The following LRRK2 variants were observed in gnomAD, a reference collection of about 807,000 sequenced individuals.
LRRK2 encodes leucine-rich repeat serine/threonine-protein kinase 2.
A neutral mutation model predicts 302.6 loss-of-function variants in LRRK2; 203 were observed. That is an observed-to-expected ratio of 0.67 (90% CI 0.60 to 0.75). LRRK2 has a LOEUF of 0.75. Among genes scored for constraint, LRRK2 ranks in the 30% least tolerant of loss-of-function variants. LRRK2 has a pLI of 0.00. For synonymous variants in LRRK2, 1,066 were observed against 1,031.9 expected (o/e 1.03, Z -0.63); for missense variants, 2,830 against 2,951.0 (o/e 0.96, Z 0.95).
chr12:40,302,763 T>C (rs1181783341), intron 25 of LRRK2, 26 bp from the exon 26 acceptor site: 1 of 1,418,060 alleles, frequency 7.1e-7, no homozygotes. Context: ...ATGATTAAAA[T>C]GTTTATCTCA....
chr12:40,326,344 T>C (rs1480053406), intron 38 of LRRK2, among the ~76,000 whole-genome samples: 5 of 151,588 alleles, frequency 3.3e-5, no homozygotes, highest in Admixed American at 2.6e-4. Context: ...TGGGCGGCTG[T>C]AGTCCCAGCT....
intron 14 of LRRK2, among the ~76,000 whole-genome samples, chr12:40,265,510 A>T (rs1942970431): frequency 6.6e-6 from 1 of 152,312 alleles, no homozygotes; most frequent in East Asian, 1.9e-4. Context: ...CCTTTGTGGG[A>T]GTTGTACATG....
intron 13 of LRRK2, among the ~76,000 whole-genome samples, chr12:40,261,601 A>C (rs1942778521): frequency 6.6e-6 from 1 of 152,142 alleles, no homozygotes; most frequent in South Asian, 2.1e-4. Context: ...ACTGTACTGT[A>C]CCCAACGTAA....
intron 12 of LRRK2, among the ~76,000 whole-genome samples, chr12:40,258,929 A>G (rs1346186200): frequency 6.6e-6 from 1 of 152,214 alleles, no homozygotes; most frequent in African/African-American, 2.4e-5. Flanking sequence ...GTCAAGTGAC[A>G]TTTGCTCATA....
chr12:40,340,475 C>T (rs752930765), intron 41 of LRRK2, 21 bp downstream of exon 41: 2 of 1,613,130 alleles, frequency 1.2e-6, no homozygotes, highest in South Asian at 1.1e-5. Context: ...AGGTCTGTCT[C>T]ATAATTCTAT....
Position 40,305,899 on chromosome 12 carries a change from C to G in LRRK2, c.3892C>G (p.Pro1298Ala). 1 of 1,613,212 alleles carries G rather than the reference C, an allele frequency of 6.2e-7. No homozygotes were observed. Among genetic ancestry groups the G allele is most frequent in the Non-Finnish European group, 8.5e-7 (1 of 1,179,480 alleles). The change falls in exon 28 of 51, where the codon CCT (proline) becomes GCT (alanine). Residue 1298 changes from proline to alanine, a missense_variant. Pro to Ala is a conservative substitution (Grantham distance 27). Around this residue, in one of 3 missense-constraint regions of LRRK2, gnomAD observed 2,121 missense variants for 2,148.0 expected, o/e 0.99. Coordinates refer to ENST00000298910, the MANE Select transcript of LRRK2 (RefSeq NM_198578.4). ...MGKLSKIWDL[P>A]LDELHLNFDF... ...GAAATTAAGCAAAATATGGGATCTT[C>G]CTTTGGATGAACTGCATCTTAACTT...
At position 40,312,842 on chromosome 12, in the gene LRRK2, C is replaced by T. The variant is rs528622934; in HGVS notation, c.4537-1130C>T. 2.0e-5 allele frequency: 3 copies of T among 151,990 alleles called. No homozygotes were observed. The East Asian group carries it at 5.8e-4, about 29-fold the overall frequency. 9.4% of individuals were successfully genotyped at this position (151,990 alleles called of 1,614,324 possible). A position where few individuals can be genotyped will look rare whatever the true frequency, so the allele number is the denominator to read the frequency against. On this transcript the variant is annotated intron_variant, in intron 31 of 50. Transcript: ENST00000298910. The stretch of plus-strand genomic sequence containing the variant: ...TTCCTGCCTTGGATTAAAACATAAA[C>T]CTCAATCTGAAGTTCAATTTCATCT...
At chr12:40,351,809 A>C in intron 44 of LRRK2, 76 bp downstream of exon 44, 2 of 1,335,344 alleles carry the variant, frequency 1.5e-6, no homozygotes, top group East Asian at 4.8e-5. Context: ...GAATAAATTA[A>C]ATAAGAGCCA....
intron 39 of LRRK2, among the ~76,000 whole-genome samples, chr12:40,330,010 C>G (rs1287283007): frequency 6.6e-6 from 1 of 152,148 alleles, no homozygotes; most frequent in Non-Finnish European, 1.5e-5. Flanking sequence ...GAAGACATTC[C>G]TCATTCAGCA....
chr12:40,367,666 T>A lies in LRRK2; in HGVS notation c.7485T>A (p.Val2495=). 1 of 1,604,514 alleles carries A rather than the reference T, an allele frequency of 6.2e-7. No homozygotes were observed. Among genetic ancestry groups the A allele is most frequent in the Non-Finnish European group, 8.5e-7 (1 of 1,174,388 alleles). ...KQKEIQSCLT[V]WDINLPHEVQ... ...TAGAGATACAATCTTGCTTGACCGT[T>A]TGGGACATCAATCTTCCACATGAAG... Residue 2495 remains valine (V), a synonymous_variant, in exon 51 of 51, where the codon GTT becomes GTA. Transcript: ENST00000298910.
rs1943814784 is a variant in LRRK2 at position 40,284,057 on chromosome 12, T to G, written c.2424T>G (p.Phe808Leu). ...VANNSICLGG[F>L]CIGKVEPSWL... ...ACAATAGCATTTGCCTTGGAGGATTTTGTATAGGAAAAGTTGAACCTTCTT... is the reference window on the plus strand; with the variant it reads ...ACAATAGCATTTGCCTTGGAGGATTGTGTATAGGAAAAGTTGAACCTTCTT... Residue 808 changes from phenylalanine to leucine, a missense_variant, in exon 19 of 51, where the codon TTT becomes TTG. Around this residue, in one of 3 missense-constraint regions of LRRK2, gnomAD observed 2,121 missense variants for 2,148.0 expected, o/e 0.99. Transcript: ENST00000298910. 1.2e-6 allele frequency: 2 copies of G among 1,613,536 alleles called. No homozygotes were observed. Among genetic ancestry groups the G allele is most frequent in the Admixed American group, 1.7e-5 (1 of 59,972 alleles).
intron 48 of LRRK2, among the ~76,000 whole-genome samples, chr12:40,364,111 T>G (rs1024352187): frequency 1.2e-4 from 18 of 151,972 alleles, no homozygotes; most frequent in African/African-American, 4.3e-4. Context: ...ATTTTCAAGC[T>G]TATTTGCTAG....
intron 33 of LRRK2, 63 bp downstream of exon 33, chr12:40,315,363 A>C (rs1945182042): frequency 3.0e-6 from 4 of 1,320,300 alleles, no homozygotes; most frequent in Admixed American, 1.7e-5. Context: ...GATGGCGCCC[A>C]GAGCATTGAG....
rs1945424864 is a variant in LRRK2, at chr12:40,322,237, A to G, written c.5317+56A>G. ...GCAACACTAAAGAAATTTAAACTTAAAAAAAAAAAAAACTTTACCTTAAAG... is the reference window on the plus strand; with the variant it reads ...GCAACACTAAAGAAATTTAAACTTAGAAAAAAAAAAAACTTTACCTTAAAG... On this transcript the variant is annotated intron_variant, in intron 36 of 50. Transcript: ENST00000298910. The G allele has an allele frequency of 1.9e-5, 28 of 1,462,388 alleles. No individual in the cohort carries two copies. In the South Asian group the frequency reaches 3.3e-4, roughly 17 times the overall value. The allele number at this position is 1,462,388 out of a possible 1,614,324, so 90.6% of individuals were successfully genotyped here.
At chr12:40,362,596 A>T (rs1946747501) in intron 47 of LRRK2, among the ~76,000 whole-genome samples, 1 of 152,046 alleles carries the variant, frequency 6.6e-6, no homozygotes, top group Non-Finnish European at 1.5e-5. Flanking sequence ...GGTCTATAAT[A>T]TGACAGTGAC....
rs983213585 is a variant in LRRK2, at chr12:40,298,492, G to A, written c.3346G>A (p.Gly1116Arg). Reference protein sequence around the residue: ...VEKLEQLILEGNKISGICSPL... With the variant: ...VEKLEQLILERNKISGICSPL... ...GAAACTGGAGCAGCTCATTTTAGAAGGGTAAGAAAGAGCTCATTAAAAATA... is the reference window on the plus strand; with the variant it reads ...GAAACTGGAGCAGCTCATTTTAGAAAGGTAAGAAAGAGCTCATTAAAAATA... The change falls in exon 24 of 51, where the codon GGA becomes AGA. Residue 1116 changes from glycine (G) to arginine (R), a missense_variant and splice_region_variant. Transcript: ENST00000298910. 3.1e-6 allele frequency: 5 copies of A among 1,613,604 alleles called. No individual in the cohort carries two copies. Among genetic ancestry groups the A allele is most frequent in the Admixed American group, 3.3e-5 (2 of 59,960 alleles).
rs1555181466 is a variant in LRRK2 at position 40,280,621 on chromosome 12, T to TAAAATAAAA, written c.2241+2360_2241+2361insAAAATAAAA. ...GCCTAGGCAACAGAGCCAGACCCTG[T>TAAAATAAAA]TAAAATAAAATAAAATAAAATAAAA... On this transcript the variant is annotated intron_variant, in intron 18 of 50. Coordinates refer to ENST00000298910, the MANE Select transcript of LRRK2 (RefSeq NM_198578.4). 6.0e-5 allele frequency among the ~76,000 whole-genome samples: 8 copies of TAAAATAAAA among 132,564 alleles called. 1 individual carries two copies. The highest frequency in any genetic ancestry group is 4.7e-4 in the Admixed American group (6 of 12,876). The allele number at this position is 132,564 out of a possible 152,430, so 87.0% of individuals were successfully genotyped here.
At position 40,234,506 on chromosome 12, in the gene LRRK2, G is replaced by A. The variant is rs1592138324; in HGVS notation, c.348-1120G>A. 2.0e-5 allele frequency among the ~76,000 whole-genome samples: 3 copies of A among 149,114 alleles called. 1 individual carries two copies. In the South Asian group the frequency reaches 6.5e-4, roughly 32 times the overall value. ...TGATTCTCCTGCCTCAGCCTCTCGA[G>A]TAGCTGGGACTGCAGGAGTACGCCA... On this transcript the variant is annotated intron_variant, in intron 3 of 50. Transcript: ENST00000298910.
At position 40,263,897 on chromosome 12, in the gene LRRK2, A is replaced by G; in HGVS notation, c.1652A>G (p.Asn551Ser). The G allele has an allele frequency of 6.2e-7, 1 of 1,601,328 alleles. No homozygotes were observed. Among genetic ancestry groups the G allele is most frequent in the Non-Finnish European group, 8.6e-7 (1 of 1,168,766 alleles). The change falls in exon 14 of 51, where the codon AAC becomes AGC. Residue 551 changes from asparagine to serine, a missense_variant. Physicochemically the swap from Asn to Ser is conservative, Grantham distance 46. Around this residue, in one of 3 missense-constraint regions of LRRK2, gnomAD observed 2,121 missense variants for 2,148.0 expected, o/e 0.99. Transcript: ENST00000298910. The stretch of plus-strand genomic sequence containing the variant: ...CACAAACTGGTCCTAGCAGCTTTGA[A>G]CAGGGTATGTTGAATATAAGTTTTC... The part of the protein sequence containing the change: ...DIHKLVLAAL[N>S]RFIGNPGIQK...
Sources: gnomAD v4.1 joint callset for allele counts (sites outside exome capture counted in the v4.1 genomes callset) on GRCh38, gnomAD v4.1.1 for gene constraint, gnomAD v4.1.1 regional missense constraint, MANE v1.5 for transcripts, NCBI Gene and HGNC (gene_info 2026-07-23, HGNC 2026-07-21) for gene names.